Variants in KMT2D observed in about 807,000 individuals in gnomAD.
The protein encoded by KMT2D is lysine methyltransferase 2D.
Under a neutral mutation model 512.7 loss-of-function variants are expected in KMT2D, and 55 were observed. That is an observed-to-expected ratio of 0.11 (90% CI 0.09 to 0.13). KMT2D has a LOEUF of 0.13. Among genes scored for constraint, KMT2D ranks in the 10% least tolerant of loss-of-function variants. The pLI, the probability that KMT2D is intolerant of heterozygous loss-of-function variation, is 1.00. For synonymous variants in KMT2D, 2,995 were observed against 2,904.0 expected (o/e 1.03, Z -1.01); for missense variants, 6,061 against 7,127.9 (o/e 0.85, Z 5.39).
rs764722386 is a variant in KMT2D at position 49,031,900 on chromosome 12, G to A, written c.12805C>T (p.Pro4269Ser). The change falls in exon 40 of 55, where the codon CCA (proline) becomes TCA (serine). Residue 4269 changes from proline (P) to serine (S), a missense_variant. Around this residue, in one of 16 missense-constraint regions of KMT2D, gnomAD observed 1,600 missense variants for 1,754.9 expected, o/e 0.91. Transcript: ENST00000301067. ...AGCTCCTGGAGGGGGCCTGTCTGTG[G>A]TCCAGGGAAGCCCCCAAGTTGAGGT... ...CQPQLGGFPGPQTGPLQELGA... is the reference protein window; with the variant it reads ...CQPQLGGFPGSQTGPLQELGA... The A allele has an allele frequency of 6.5e-7, 1 of 1,536,372 alleles. No homozygotes were observed.
At chr12:49,058,594 T>C (rs530443886) in intron 1 of KMT2D, among the ~76,000 whole-genome samples, 1 of 152,214 alleles carries the variant, frequency 6.6e-6, no homozygotes, top group Admixed American at 6.5e-5. Flanking sequence ...CCCAATACCT[T>C]CTGCCAGGGG....
At chr12:49,031,150 G>A (rs751497280) in intron 40 of KMT2D, 25 bp downstream of exon 40, 2 of 1,607,196 alleles carry the variant, frequency 1.2e-6, no homozygotes, top group East Asian at 2.2e-5. Flanking sequence ...CACTCTACCT[G>A]CTCCACTCTA....
Position 49,049,762 on chromosome 12 carries a change from C to G in KMT2D, c.3826G>C (p.Gly1276Arg), listed in dbSNP as rs2120639889. The change falls in exon 12 of 55, where the codon GGG becomes CGG. Residue 1276 changes from glycine to arginine, a missense_variant. Gly to Arg is a moderately radical substitution (Grantham distance 125). Transcript: ENST00000301067. ...ETDDSLLCDAGTAISGGKAEG... is the reference protein window; with the variant it reads ...ETDDSLLCDARTAISGGKAEG... ...GCTTTGCCTCCGCTGATAGCTGTCC[C>G]AGCATCGCACAATAGTGAGTCATCA... 1 of 1,612,044 alleles carries G rather than the reference C, an allele frequency of 6.2e-7. No homozygotes were observed. The highest frequency in any genetic ancestry group is 8.5e-7 in the Non-Finnish European group (1 of 1,178,286).
At position 49,032,205 on chromosome 12, in the gene KMT2D, T is replaced by C. The variant is rs1410520810; in HGVS notation, c.12500A>G (p.Asn4167Ser). The C allele has an allele frequency of 1.2e-6, 2 of 1,613,088 alleles. No homozygotes were observed. The highest frequency in any genetic ancestry group is 1.1e-5 in the South Asian group (1 of 91,048). Residue 4167 changes from asparagine (N) to serine (S), a missense_variant, in exon 40 of 55, where the codon AAT (asparagine) becomes AGT (serine). This residue lies in a region of KMT2D where 1,600 missense variants were observed against 1,754.9 expected (regional missense o/e 0.91). Coordinates refer to ENST00000301067, the MANE Select transcript of KMT2D (RefSeq NM_003482.4). ...QPMLERPMQNNTGPQPPKPGP... is the reference protein window; with the variant it reads ...QPMLERPMQNSTGPQPPKPGP... Reference sequence around the variant, plus strand: ...TGGTTTGGGAGGTTGTGGCCCTGTATTATTTTGCATGGGCCGCTCTAGCAT... The same window carrying C: ...TGGTTTGGGAGGTTGTGGCCCTGTACTATTTTGCATGGGCCGCTCTAGCAT...
At chr12:49,034,505 A>C (rs1943121970) in intron 37 of KMT2D, 29 bp from the exon 38 acceptor site, 2 of 1,613,044 alleles carry the variant, frequency 1.2e-6, no homozygotes, top group Non-Finnish European at 1.7e-6. Context: ...CTAAAGGGTC[A>C]TTGTTCCCTG....
In KMT2D at chr12:49,037,976, C is replaced by A. The variant is rs1359665754; in HGVS notation, c.9380G>T (p.Arg3127Leu). The change falls in exon 35 of 55, where the codon CGC becomes CTC. Residue 3127 changes from arginine (R) to leucine (L), a missense_variant. Physicochemically the swap from Arg to Leu is moderately radical, Grantham distance 102 (BLOSUM62 -2). Transcript: ENST00000301067. The stretch of plus-strand genomic sequence containing the variant: ...GGTGAATTGGCAAGGAGAAGGGTGG[C>A]GTCCACCCTCCTCCACCTTGGGCTT... ...EVKPKVEEGG[R>L]HPSPCQFTIA... 2 of 1,600,986 alleles carry A rather than the reference C, an allele frequency of 1.2e-6. No homozygotes were observed. The highest frequency in any genetic ancestry group is 1.7e-6 in the Non-Finnish European group (2 of 1,174,148).
rs2120561395 is a variant in KMT2D at position 49,042,906 on chromosome 12, G to A, written c.5645-28C>T. On this transcript the variant is annotated intron_variant, in intron 26 of 54. Coordinates refer to ENST00000301067, the MANE Select transcript of KMT2D (RefSeq NM_003482.4). The surrounding 1 kb of genome is among the most constrained non-coding windows in gnomAD (Gnocchi z 4.4). The stretch of plus-strand genomic sequence containing the variant: ...GTGGGGGAATGAAGGACACTGTTGA[G>A]GAAGACTGGGAAGTTCAGGTGACAC... The A allele has an allele frequency of 1.2e-6, 2 of 1,612,868 alleles. No homozygotes were observed. The highest frequency in any genetic ancestry group is 1.7e-6 in the Non-Finnish European group (2 of 1,179,192).
rs1197850605 is a variant in KMT2D at position 49,046,801 on chromosome 12, A to G, written c.4237-11T>C. ...CATCACCTTGGTGATCTGGGGCAGA[A>G]GATGGGAACTTCTCAGGGTGTGAGG... On this transcript the variant is annotated splice_polypyrimidine_tract_variant and intron_variant, in intron 15 of 54. Coordinates refer to ENST00000301067, the MANE Select transcript of KMT2D (RefSeq NM_003482.4). This position sits in a 1 kb window ranked among gnomAD's most constrained non-coding sequence, Gnocchi z 4.2. 4.4e-6 allele frequency: 7 copies of G among 1,608,128 alleles called. No individual in the cohort carries two copies. The highest frequency in any genetic ancestry group is 6.0e-6 in the Non-Finnish European group (7 of 1,175,712).
At position 49,033,341 on chromosome 12, in the gene KMT2D, C is replaced by T. The variant is rs1943050944; in HGVS notation, c.11364G>A (p.Gln3788=). 6.3e-7 allele frequency: 1 copy of T among 1,593,036 alleles called. No individual in the cohort carries two copies. The highest frequency in any genetic ancestry group is 2.3e-5 in the East Asian group (1 of 43,854). Residue 3788 remains glutamine (Q), a synonymous_variant, in exon 40 of 55, where the codon CAG becomes CAA. Transcript: ENST00000301067. ...CCTGGGGTGGTTGAGGGGACAGCTGCTGGACCAGGAGGCCTTGGTGGCTGC... is the reference window on the plus strand; with the variant it reads ...CCTGGGGTGGTTGAGGGGACAGCTGTTGGACCAGGAGGCCTTGGTGGCTGC... ...PPSSHQGLLV[Q]QLSPQPPQGP...
intron 1 of KMT2D, among the ~76,000 whole-genome samples, chr12:49,058,506 T>C (rs757008580): frequency 2.0e-5 from 3 of 151,972 alleles, no homozygotes; most frequent in Middle Eastern, 3.4e-3. Flanking sequence ...GCATGACAGG[T>C]GTGAGAGGGG....
In KMT2D at chr12:49,054,848, T is replaced by G; in HGVS notation, c.176+52A>C. 1.2e-6 allele frequency: 2 copies of G among 1,604,422 alleles called. No homozygotes were observed. Among genetic ancestry groups the G allele is most frequent in the Non-Finnish European group, 1.7e-6 (2 of 1,172,678 alleles). Reference sequence around the variant, plus strand: ...CCAACACTCATTTTCCTAAATTCTCTTCCTTGAAAGCCCTAGACTCTCAAA... The same window carrying G: ...CCAACACTCATTTTCCTAAATTCTCGTCCTTGAAAGCCCTAGACTCTCAAA... On this transcript the variant is annotated intron_variant, in intron 3 of 54. Transcript: ENST00000301067. This position sits in a 1 kb window ranked among gnomAD's most constrained non-coding sequence, Gnocchi z 6.4.
In KMT2D at chr12:49,043,668, A is replaced by G. The variant is rs2120571622; in HGVS notation, c.5434T>C (p.Ser1812Pro). 6.2e-7 allele frequency: 1 copy of G among 1,614,006 alleles called. No individual in the cohort carries two copies. The highest frequency in any genetic ancestry group is 8.5e-7 in the Non-Finnish European group (1 of 1,179,886). Reference protein sequence around the residue: ...GTPKAKGDGGSERKELPTSQK... With the variant: ...GTPKAKGDGGPERKELPTSQK... ...GATGTGGGGAGTTCCTTCCTTTCTG[A>G]GCCTCCATCTCCCTTGGCTTTTGGG... Residue 1812 changes from serine (S) to proline (P), a missense_variant, in exon 24 of 55, where the codon TCA becomes CCA. This residue lies in a region of KMT2D where 640 missense variants were observed against 814.3 expected (regional missense o/e 0.79). Coordinates refer to ENST00000301067, the MANE Select transcript of KMT2D (RefSeq NM_003482.4).
At chr12:49,059,075 T>A (rs1938583773) in intron 1 of KMT2D, among the ~76,000 whole-genome samples, 1 of 151,896 alleles carries the variant, frequency 6.6e-6, no homozygotes, top group South Asian at 2.1e-4. Flanking sequence ...TTCCACACAC[T>A]CTCCCTTTGC....
rs998662199 is a variant in KMT2D at position 49,027,315 on chromosome 12, G to A, written c.14651C>T (p.Pro4884Leu). Residue 4884 changes from proline to leucine, a missense_variant, in exon 49 of 55, where the codon CCC (proline) becomes CTC (leucine). By Grantham distance (98) the Pro-to-Leu change is moderately conservative. Coordinates refer to ENST00000301067, the MANE Select transcript of KMT2D (RefSeq NM_003482.4). ...DILSLLKQES[P>L]APEPPTQHSY... ...GTGCTGAGTGGGTGGCTCTGGGGCGGGGCTCTCCTGTAGGAGGGTGCCCTG... is the reference window on the plus strand; with the variant it reads ...GTGCTGAGTGGGTGGCTCTGGGGCGAGGCTCTCCTGTAGGAGGGTGCCCTG... 2.0e-6 allele frequency: 3 copies of A among 1,523,272 alleles called. No individual in the cohort carries two copies. The highest frequency in any genetic ancestry group is 4.4e-5 in the Admixed American group (2 of 45,204). The allele number at this position is 1,523,272 out of a possible 1,614,324, so 94.4% of individuals were successfully genotyped here. A position where few individuals can be genotyped will look rare whatever the true frequency, so the allele number is the denominator to read the frequency against.
rs1279304386 is a variant in KMT2D, at chr12:49,024,613, G to A, written c.16017C>T (p.Ala5339=). 5.6e-6 allele frequency: 9 copies of A among 1,613,732 alleles called. No homozygotes were observed. Among genetic ancestry groups the A allele is most frequent in the Non-Finnish European group, 8.5e-7 (1 of 1,179,774 alleles). ...GTGTGAGGATTTTAGGCTCTGATCG[G>A]GCACAGCCAGTGGGGTTGATCATGA... The part of the protein sequence containing the change: ...LPLMINPTGC[A]RSEPKILTHY... The change falls in exon 51 of 55, where the codon GCC becomes GCT. Residue 5339 remains alanine (A), a synonymous_variant. Transcript: ENST00000301067. This position sits in a 1 kb window ranked among gnomAD's most constrained non-coding sequence, Gnocchi z 4.5.
chr12:49,042,976 C>A lies in KMT2D; in HGVS notation c.5645-98G>T, dbSNP rs567642980. ...ATGGCCAGGAACAGTCCAGGACTCC[C>A]CACCAGAGAAGCTGTACAGATCACA... On this transcript the variant is annotated intron_variant, in intron 26 of 54. Transcript: ENST00000301067. This position sits in a 1 kb window ranked among gnomAD's most constrained non-coding sequence, Gnocchi z 4.4. 265 of 1,570,170 alleles carry A rather than the reference C, an allele frequency of 1.7e-4. 1 individual carries two copies. The highest frequency in any genetic ancestry group is 1.9e-4 in the Admixed American group (11 of 58,352).
At chr12:49,028,201 T>C (rs1942708088) in intron 46 of KMT2D, 60 bp from the exon 47 acceptor site, 1 of 1,605,982 alleles carries the variant, frequency 6.2e-7, no homozygotes, top group South Asian at 1.1e-5. Flanking sequence ...AGGTGAGCTC[T>C]ACTACCAGCT....
Position 49,040,485 on chromosome 12 carries a change from G to A in KMT2D, c.7285C>T (p.Pro2429Ser), listed in dbSNP as rs2120529718. 1.3e-6 allele frequency: 2 copies of A among 1,576,192 alleles called. No homozygotes were observed. Among genetic ancestry groups the A allele is most frequent in the Non-Finnish European group, 1.7e-6 (2 of 1,159,066 alleles). ...SSSQSPLTPR[P>S]LSAEAFCPSP... ...GGGCAAAAAGCTTCAGCAGACAGAG[G>A]CCGGGGTGTCAGTGGAGACTGGGAG... Residue 2429 changes from proline to serine, a missense_variant, in exon 32 of 55, where the codon CCT (proline) becomes TCT (serine). Pro to Ser is a moderately conservative substitution (Grantham distance 74). Around this residue, in one of 16 missense-constraint regions of KMT2D, gnomAD observed 710 missense variants for 647.3 expected, o/e 1.10. Coordinates refer to ENST00000301067, the MANE Select transcript of KMT2D (RefSeq NM_003482.4).
Position 49,029,088 on chromosome 12 carries a change from G to C in KMT2D, c.14224C>G (p.Pro4742Ala), listed in dbSNP as rs1489566324. 6.2e-7 allele frequency: 1 copy of C among 1,606,134 alleles called. No homozygotes were observed. The highest frequency in any genetic ancestry group is 1.7e-5 in the Admixed American group (1 of 59,780). The change falls in exon 45 of 55, where the codon CCC becomes GCC. Residue 4742 changes from proline (P) to alanine (A), a missense_variant. Transcript: ENST00000301067. ...QEDRALSPVIPLIPRASIPVF... is the reference protein window; with the variant it reads ...QEDRALSPVIALIPRASIPVF... ...GGGATGCTGGCCCGAGGAATGAGGG[G>C]GATGACAGGGGAGAGGGCCCGGTCC... is the stretch of plus-strand genomic sequence containing the variant.
Sources: gnomAD v4.1 joint callset for allele counts (sites outside exome capture counted in the v4.1 genomes callset) on GRCh38, gnomAD v4.1.1 for gene constraint, gnomAD v4.1.1 regional missense constraint, Gnocchi (gnomAD v3.1) non-coding constraint, MANE v1.5 for transcripts, NCBI Gene and HGNC (gene_info 2026-07-23, HGNC 2026-07-21) for gene names.